Variants in COG4 observed in about 807,000 individuals in gnomAD.
COG4 encodes conserved oligomeric Golgi complex subunit 4.
COG4 carries 65 observed loss-of-function variants against 95.1 expected under a neutral mutation model. The observed-to-expected ratio is 0.68, with a 90% CI of 0.56 to 0.84. The LOEUF (loss-of-function observed/expected upper bound fraction) is 0.84, where lower values mean the gene tolerates loss of function less well. Ranked by LOEUF, COG4 falls within the 40% of genes least tolerant of loss-of-function variation. COG4 has a pLI of 0.00. For synonymous variants in COG4, 421 were observed against 374.8 expected (o/e 1.12, Z -1.42); for missense variants, 1,045 against 989.1 (o/e 1.06, Z -0.76).
In COG4 at chr16:70,482,770, A is replaced by G; in HGVS notation, c.1879T>C (p.Trp627Arg). The G allele has an allele frequency of 6.2e-7, 1 of 1,613,836 alleles. No individual in the cohort carries two copies. The highest frequency in any genetic ancestry group is 1.1e-5 in the South Asian group (1 of 91,068). Reference protein sequence around the residue: ...STAIKPQVQPWINSFFSVSHN... With the variant: ...STAIKPQVQPRINSFFSVSHN... The stretch of plus-strand genomic sequence containing the variant: ...GAGACGGAGAAAAAGCTGTTGATCC[A>G]AGGCTGCACCTGTGGCTTGATGGCT... The change falls in exon 15 of 19, where the codon TGG becomes CGG. Residue 627 changes from tryptophan to arginine, a missense_variant. By Grantham distance (101) the Trp-to-Arg change is moderately radical. Transcript: ENST00000323786.
chr16:70,516,114 CTTTTTTCTA>C (rs1227042510), intron 3 of COG4: 1 of 452,208 alleles, frequency 2.2e-6, no homozygotes. Flanking sequence ...GTTTTTTGTC[CTTTTTTCTA>C]TTAATATGGT....
chr16:70,511,784 T>G (rs2049712437), intron 5 of COG4, among the ~76,000 whole-genome samples: 1 of 151,710 alleles, frequency 6.6e-6, no homozygotes, highest in Non-Finnish European at 1.5e-5. Flanking sequence ...AATACAAAAT[T>G]AGCTGGGCGT....
intron 5 of COG4, among the ~76,000 whole-genome samples, chr16:70,510,946 G>A (rs988187347): frequency 6.6e-6 from 1 of 152,084 alleles, no homozygotes; most frequent in Non-Finnish European, 1.5e-5. Context: ...GTATTTTTTA[G>A]TAGACACAGG....
intron 3 of COG4, chr16:70,515,869 G>A (rs1235865646): frequency 5.2e-6 from 2 of 385,650 alleles, no homozygotes; most frequent in Admixed American, 6.9e-5. Context: ...GGGTCTTACT[G>A]TGTTCCAAGG....
chr16:70,508,708 A>G, intron 7 of COG4: 2 of 650,050 alleles, frequency 3.1e-6, no homozygotes, highest in South Asian at 3.1e-5. Flanking sequence ...GTGTTCCAAT[A>G]GACTACTGTT....
At chr16:70,506,678 C>T (rs538190285) in intron 8 of COG4, among the ~76,000 whole-genome samples, 7 of 136,654 alleles carry the variant, frequency 5.1e-5, no homozygotes, top group Non-Finnish European at 1.1e-4. Flanking sequence ...AGGAGCTACT[C>T]GGGAGGCTGA....
At chr16:70,481,326 C>T (rs773981181) in intron 18 of COG4, 33 bp downstream of exon 18, 1 of 1,610,490 alleles carries the variant, frequency 6.2e-7, no homozygotes, top group Admixed American at 1.7e-5. Context: ...TTCAGTCACC[C>T]CTCCCTGGCT....
At chr16:70,505,502 G>A (rs2049544897) in intron 8 of COG4, among the ~76,000 whole-genome samples, 1 of 150,124 alleles carries the variant, frequency 6.7e-6, no homozygotes, top group South Asian at 2.1e-4. Flanking sequence ...GCACCCACTG[G>A]ATTTTCTTCT....
At chr16:70,496,494 C>A (rs2049342880) in intron 11 of COG4, 63 bp from the exon 12 acceptor site, 2 of 1,507,960 alleles carry the variant, frequency 1.3e-6, no homozygotes, top group South Asian at 2.3e-5. Flanking sequence ...GACAGAAGGG[C>A]CAGTCTTCAC....
intron 1 of COG4, among the ~76,000 whole-genome samples, chr16:70,522,186 G>A (rs888079928): frequency 2.0e-5 from 3 of 151,724 alleles, no homozygotes; most frequent in African/African-American, 7.3e-5. Context: ...TAGTAGTGAT[G>A]GTTTTCACCA....
In COG4 at chr16:70,485,777, G is replaced by T. The variant is rs938483481; in HGVS notation, c.1711-1808C>A. Among the ~76,000 whole-genome samples the T allele has an allele frequency of 4.6e-5, 7 of 151,316 alleles. No individual in the cohort carries two copies. The East Asian group carries it at 1.2e-3, about 25-fold the overall frequency. ...ATTATTGTATTTTTGTAGAGATGGG[G>T]TTTCACCATGTTGGCCAGGCTGGTC... On this transcript the variant is annotated intron_variant, in intron 13 of 18. Transcript: ENST00000323786.
chr16:70,506,618 C>CAAAA lies in COG4; in HGVS notation c.1061+1784_1061+1787dup, dbSNP rs1212409898. Among the ~76,000 whole-genome samples the CAAAA allele has an allele frequency of 3.0e-4, 18 of 59,944 alleles. 1 individual carries two copies. Among genetic ancestry groups the CAAAA allele is most frequent in the South Asian group, 1.7e-3 (2 of 1,182 alleles). The allele number at this position is 59,944 out of a possible 152,430, so 39.3% of individuals were successfully genotyped here. The stretch of plus-strand genomic sequence containing the variant: ...CAAAAAAAAAAAAAAAAAAAAAAAA[C>CAAAA]AAAAAAAAAAACATTTAGCTGGGAG... On this transcript the variant is annotated intron_variant, in intron 8 of 18. Coordinates refer to ENST00000323786, the MANE Select transcript of COG4 (RefSeq NM_015386.3).
chr16:70,501,361 CT>C (rs1036476191), intron 8 of COG4: 1,931 of 373,860 alleles, frequency 5.2e-3, no homozygotes, highest in South Asian at 8.2e-3. Context: ...CTTTTCTTTA[CT>C]TTTTTTTTTG....
At chr16:70,519,782 A>C (rs767284432) in intron 1 of COG4, 51 bp from the exon 2 acceptor site, 6 of 1,341,532 alleles carry the variant, frequency 4.5e-6, no homozygotes, top group Non-Finnish European at 6.4e-6. Flanking sequence ...AGGAACCTTA[A>C]GAGTTATCTA....
Position 70,517,760 on chromosome 16 carries a change from G to A in COG4, c.255-20C>T. On this transcript the variant is annotated intron_variant, in intron 2 of 18. Coordinates refer to ENST00000323786, the MANE Select transcript of COG4 (RefSeq NM_015386.3). Reference sequence around the variant, plus strand: ...TTAGGACTGGAGAAATACATTGTTAGCATACACATAACGATAGGGCAGAGA... The same window carrying A: ...TTAGGACTGGAGAAATACATTGTTAACATACACATAACGATAGGGCAGAGA... The A allele has an allele frequency of 6.6e-7, 1 of 1,517,648 alleles. No individual in the cohort carries two copies. The highest frequency in any genetic ancestry group is 9.2e-7 in the Non-Finnish European group (1 of 1,092,756). The allele number at this position is 1,517,648 out of a possible 1,614,324, so 94.0% of individuals were successfully genotyped here. A position where few individuals can be genotyped will look rare whatever the true frequency, so the allele number is the denominator to read the frequency against.
At chr16:70,502,409 A>G (rs2049472985) in intron 8 of COG4, among the ~76,000 whole-genome samples, 1 of 151,028 alleles carries the variant, frequency 6.6e-6, no homozygotes, top group Admixed American at 6.6e-5. Context: ...AGCCTAACCT[A>G]ACCAAAACAT....
In COG4 at chr16:70,500,365, CTTTTTTTTTTTTT is replaced by C. The variant is rs68141616; in HGVS notation, c.1195+580_1195+592del. Among the ~76,000 whole-genome samples the C allele has an allele frequency of 6.2e-5, 6 of 96,156 alleles. No individual in the cohort carries two copies. In the East Asian group the frequency reaches 1.8e-3, roughly 29 times the overall value. The allele number at this position is 96,156 out of a possible 152,430, so 63.1% of individuals were successfully genotyped here. A position where few individuals can be genotyped will look rare whatever the true frequency, so the allele number is the denominator to read the frequency against. ...AGAGGATTCCTGTACATTATATACTCTTTTTTTTTTTTTTTTTTTTTGAGACAGAGTCTGGCTC... is the reference window on the plus strand; with the variant it reads ...AGAGGATTCCTGTACATTATATACTCTTTTTTTTGAGACAGAGTCTGGCTC... On this transcript the variant is annotated intron_variant, in intron 9 of 18. Transcript: ENST00000323786.
At chr16:70,489,480 G>A (rs1029601056) in intron 13 of COG4, among the ~76,000 whole-genome samples, 1 of 150,094 alleles carries the variant, frequency 6.7e-6, no homozygotes, top group East Asian at 2.0e-4. Context: ...GCCTCCCAAA[G>A]TGTTAGGATT....
At chr16:70,513,335 TG>T (rs2049750776) in intron 4 of COG4, among the ~76,000 whole-genome samples, 1 of 152,212 alleles carries the variant, frequency 6.6e-6, no homozygotes, top group South Asian at 2.1e-4. Flanking sequence ...GTAGGCAATA[TG>T]GCCAAGTGCA....
Sources: allele counts gnomAD v4.1 joint callset (sites outside exome capture counted in the v4.1 genomes callset), GRCh38; gene constraint gnomAD v4.1.1; transcripts MANE v1.5; gene names NCBI Gene and HGNC (gene_info 2026-07-23, HGNC 2026-07-21).